Variants in COL23A1 observed in about 807,000 individuals in gnomAD.
The protein encoded by COL23A1 is collagen alpha-1(XXIII) chain.
In COL23A1, 97 loss-of-function variants were observed where a neutral mutation model predicts 99.3. The observed-to-expected ratio is 0.98, with a 90% CI of 0.83 to 1.16. The LOEUF is 1.16. Ranked by LOEUF, COL23A1 falls within the 50% of genes most tolerant of loss-of-function variation. The pLI is 0.00. For missense variants in COL23A1, 762 were observed against 757.4 expected, an observed-to-expected ratio of 1.01 and a Z score of -0.07; for synonymous variants, 320 against 308.2, an observed-to-expected ratio of 1.04 and a Z score of -0.40.
At chr5:178,319,339 G>A (rs1424199020) in intron 2 of COL23A1, among the ~76,000 whole-genome samples, 1 of 152,148 alleles carries the variant, frequency 6.6e-6, no homozygotes, top group East Asian at 1.9e-4. Flanking sequence ...ACTGACACAT[G>A]TACTCCTCTG....
chr5:178,508,816 A>G (rs1283801343), intron 2 of COL23A1, among the ~76,000 whole-genome samples: 2 of 152,148 alleles, frequency 1.3e-5, no homozygotes, highest in Non-Finnish European at 2.9e-5. Flanking sequence ...TTGTGAGGTC[A>G]CCACTGTGTC....
chr5:178,370,532 G>A lies in COL23A1; in HGVS notation c.362-63613C>T, dbSNP rs536281360. ...AGGGGATTGGGGGACATTGGCCAAC[G>A]GATATAGAGTTTCATTAGACAGGGG... On this transcript the variant is annotated intron_variant, in intron 2 of 28. Coordinates refer to ENST00000390654, the MANE Select transcript of COL23A1 (RefSeq NM_173465.4). Among the ~76,000 whole-genome samples the A allele has an allele frequency of 8.5e-5, 13 of 152,216 alleles. No individual in the cohort carries two copies. The South Asian group carries it at 2.7e-3, about 32-fold the overall frequency.
At position 178,533,798 on chromosome 5, in the gene COL23A1, T is replaced by C. The variant is rs200890701; in HGVS notation, c.361+26884A>G. ...AGGCATGAGCCACCACACCCAGCCGTTTCCTTCCTTTTTAAGGCTGAATAA... is the reference window on the plus strand; with the variant it reads ...AGGCATGAGCCACCACACCCAGCCGCTTCCTTCCTTTTTAAGGCTGAATAA... On this transcript the variant is annotated intron_variant, in intron 2 of 28. Coordinates refer to ENST00000390654, the MANE Select transcript of COL23A1 (RefSeq NM_173465.4). Among the ~76,000 whole-genome samples the C allele has an allele frequency of 2.0e-5, 3 of 152,190 alleles. No homozygotes were observed. In the East Asian group the frequency reaches 5.8e-4, roughly 29 times the overall value.
chr5:178,380,927 C>T (rs78120702), intron 2 of COL23A1, among the ~76,000 whole-genome samples: 4,304 of 152,292 alleles, frequency 0.028, 192 homozygotes, highest in African/African-American at 0.095. Flanking sequence ...GGCAAAGACG[C>T]ACCCTGGAGA....
At chr5:178,370,950 A>AAGATCTATTGTAT (rs974616302) in intron 2 of COL23A1, among the ~76,000 whole-genome samples, 1 of 152,080 alleles carries the variant, frequency 6.6e-6, no homozygotes, top group African/African-American at 2.4e-5. Context: ...TCACAAAGAA[A>AAGATCTATTGTAT]AGATCTATTG....
At chr5:178,324,201 C>T (rs1350569965) in intron 2 of COL23A1, among the ~76,000 whole-genome samples, 1 of 151,994 alleles carries the variant, frequency 6.6e-6, no homozygotes, top group Non-Finnish European at 1.5e-5. Flanking sequence ...GCCCCACCCC[C>T]GTTTCAGATT....
chr5:178,284,862 T>C (rs1757074926), intron 5 of COL23A1, among the ~76,000 whole-genome samples: 1 of 152,226 alleles, frequency 6.6e-6, no homozygotes, highest in Admixed American at 6.5e-5. Flanking sequence ...AATTCTATTT[T>C]TAAAGCAATA....
At chr5:178,574,557 T>C (rs1763256723) in intron 1 of COL23A1, among the ~76,000 whole-genome samples, 1 of 152,096 alleles carries the variant, frequency 6.6e-6, no homozygotes, top group South Asian at 2.1e-4. Context: ...AAAAGGTTGC[T>C]CCCGGGAAAT....
chr5:178,420,441 T>TCCTC (rs1765557445), intron 2 of COL23A1, among the ~76,000 whole-genome samples: 1 of 76,956 alleles, frequency 1.3e-5, no homozygotes, highest in African/African-American at 5.2e-5. Flanking sequence ...CCCCGCTCTT[T>TCCTC]CCTCCTCCCC....
chr5:178,489,157 C>T (rs943190120), intron 2 of COL23A1, among the ~76,000 whole-genome samples: 4 of 152,144 alleles, frequency 2.6e-5, no homozygotes, highest in African/African-American at 9.6e-5. Flanking sequence ...GATCTGCCCT[C>T]AATGTGGGTG....
At chr5:178,378,689 G>A (rs1471254522) in intron 2 of COL23A1, among the ~76,000 whole-genome samples, 1 of 152,198 alleles carries the variant, frequency 6.6e-6, no homozygotes, top group African/African-American at 2.4e-5. Flanking sequence ...ATGGAGCAGC[G>A]CTGAGTGCCC....
intron 2 of COL23A1, among the ~76,000 whole-genome samples, chr5:178,517,080 A>C (rs990971832): frequency 6.6e-6 from 1 of 152,176 alleles, no homozygotes; most frequent in African/African-American, 2.4e-5. Flanking sequence ...CCATCCTCCC[A>C]TCCATCCGCC....
chr5:178,268,821 C>A, intron 6 of COL23A1, 65 bp from the exon 7 acceptor site: 1 of 1,543,716 alleles, frequency 6.5e-7, no homozygotes, highest in Non-Finnish European at 8.8e-7. Flanking sequence ...CCCCTTCTGG[C>A]TTCCCTATAC....
chr5:178,403,537 C>G (rs1198284907), intron 2 of COL23A1, among the ~76,000 whole-genome samples: 1 of 152,222 alleles, frequency 6.6e-6, no homozygotes, highest in Non-Finnish European at 1.5e-5. Context: ...GGTGCCTGGC[C>G]CACCTGTCCT....
intron 2 of COL23A1, among the ~76,000 whole-genome samples, chr5:178,491,476 C>T (rs1157350014): frequency 6.6e-6 from 1 of 152,070 alleles, no homozygotes; most frequent in Admixed American, 6.6e-5. Context: ...TGGAGCCACC[C>T]ACTGCCTACA....
intron 2 of COL23A1, among the ~76,000 whole-genome samples, chr5:178,465,921 T>A (rs1046564002): frequency 2.6e-5 from 4 of 151,862 alleles, no homozygotes; most frequent in Non-Finnish European, 4.4e-5. Flanking sequence ...GGATGGCGAG[T>A]CTAACTCAGC....
rs568430810 is a variant in COL23A1, at chr5:178,434,202, G to T, written c.361+126480C>A. 1.3e-5 allele frequency among the ~76,000 whole-genome samples: 2 copies of T among 152,370 alleles called. No individual in the cohort carries two copies. The highest frequency in any genetic ancestry group is 2.9e-5 in the Non-Finnish European group (2 of 68,042). ...GATAGGGAAATCAAGGCTTAGAGAA[G>T]TGGGCTGCCCCAGGTCACACACTGA... On this transcript the variant is annotated intron_variant, in intron 2 of 28. Transcript: ENST00000390654. This position sits in a 1 kb window ranked among gnomAD's most constrained non-coding sequence, Gnocchi z 4.3.
intron 2 of COL23A1, among the ~76,000 whole-genome samples, chr5:178,475,912 C>A (rs553910445): frequency 6.6e-6 from 1 of 152,326 alleles, no homozygotes; most frequent in East Asian, 1.9e-4. Context: ...CTTCGAATTC[C>A]TTGGACATCG....
At chr5:178,550,423 A>G (rs1158749638) in intron 2 of COL23A1, among the ~76,000 whole-genome samples, 1 of 152,162 alleles carries the variant, frequency 6.6e-6, no homozygotes, top group African/African-American at 2.4e-5. Flanking sequence ...TAGCACCCAC[A>G]AAGTATGATC....
Sources: gnomAD v4.1 joint callset for allele counts (sites outside exome capture counted in the v4.1 genomes callset) on GRCh38, gnomAD v4.1.1 for gene constraint, Gnocchi (gnomAD v3.1) non-coding constraint, MANE v1.5 for transcripts, NCBI Gene and HGNC (gene_info 2026-07-23, HGNC 2026-07-21) for gene names.